DDX55: variants seen among roughly 807,000 people sequenced by gnomAD.
DDX55 encodes ATP-dependent RNA helicase DDX55.
A neutral mutation model predicts 69.2 loss-of-function variants in DDX55; 56 were observed. That is an observed-to-expected ratio of 0.81 (90% CI 0.65 to 1.01). DDX55 has a LOEUF of 1.01. Ranked by LOEUF, DDX55 falls within the 50% of genes least tolerant of loss-of-function variation. DDX55 has a pLI of 0.00. For synonymous variants in DDX55, 268 were observed against 273.1 expected, an observed-to-expected ratio of 0.98 and a Z score of 0.18; for missense variants, 720 against 745.1, an observed-to-expected ratio of 0.97 and a Z score of 0.39.
intron 6 of DDX55, among the ~76,000 whole-genome samples, chr12:123,609,375 T>C (rs12809479): frequency 7.0e-6 from 1 of 142,720 alleles, no homozygotes; most frequent in Admixed American, 7.4e-5. Flanking sequence ...TTCAAGTTTT[T>C]TTTTTTTTTT....
rs1187370896 is a variant in DDX55 at position 123,604,268 on chromosome 12, C to G, written c.109-1663C>G. Among the ~76,000 whole-genome samples the G allele has an allele frequency of 2.0e-5, 3 of 152,044 alleles. No homozygotes were observed. The South Asian group carries it at 6.2e-4, about 32-fold the overall frequency. On this transcript the variant is annotated intron_variant, in intron 1 of 13. Transcript: ENST00000238146. ...GAAATTAAAATAAATAATGGCCGGG[C>G]ACGGTGGCTCACGCCTGTAATCCTA...
At position 123,619,951 on chromosome 12, in the gene DDX55, C is replaced by G. The variant is rs372154273; in HGVS notation, c.1627-13C>G. ...GAAAAATTTAGTAGTTTATTGGTTT[C>G]TTCTGCACTTAGGGTTCTGATATTG... is the stretch of plus-strand genomic sequence containing the variant. On this transcript the variant is annotated splice_polypyrimidine_tract_variant and intron_variant, in intron 13 of 13. Coordinates refer to ENST00000238146, the MANE Select transcript of DDX55 (RefSeq NM_020936.3). 2 of 1,606,862 alleles carry G rather than the reference C, an allele frequency of 1.2e-6. No homozygotes were observed. The highest frequency in any genetic ancestry group is 1.7e-6 in the Non-Finnish European group (2 of 1,177,240).
intron 3 of DDX55, among the ~76,000 whole-genome samples, chr12:123,606,972 T>G (rs981346062): frequency 1.3e-5 from 2 of 152,214 alleles, no homozygotes; most frequent in Non-Finnish European, 2.9e-5. Flanking sequence ...AAGAAGGTTA[T>G]GACGTGCAGA....
Position 123,605,783 on chromosome 12 carries a change from A to G in DDX55, c.109-148A>G, listed in dbSNP as rs1593671165. ...AGACACAGTTGCCACGTTTGATTCA[A>G]CTTCTCTATGGTGACTTGGTTACTC... On this transcript the variant is annotated intron_variant, in intron 1 of 13. Coordinates refer to ENST00000238146, the MANE Select transcript of DDX55 (RefSeq NM_020936.3). The G allele has an allele frequency of 4.7e-6, 5 of 1,062,324 alleles. No homozygotes were observed. The East Asian group carries it at 1.2e-4, about 26-fold the overall frequency. The allele number at this position is 1,062,324 out of a possible 1,614,324, so 65.8% of individuals were successfully genotyped here.
intron 9 of DDX55, 68 bp from the exon 10 acceptor site, chr12:123,616,443 A>C (rs754459937): frequency 3.6e-6 from 5 of 1,392,312 alleles, no homozygotes; most frequent in Non-Finnish European, 5.1e-6. Flanking sequence ...CATCGAGATC[A>C]GTAGGCTGTT....
Position 123,615,166 on chromosome 12 carries a change from C to A in DDX55, c.825-19C>A, listed in dbSNP as rs114627783. 10,353 of 1,613,572 alleles carry A rather than the reference C, an allele frequency of 6.4e-3. 541 individuals carry two copies. The African/African-American group carries it at 0.12, about 19-fold the overall frequency. ...GACCAAAGTGGCCAATGACTCTAAG[C>A]CCTCTGTCCCTCTTGCAGCACCTGT... On this transcript the variant is annotated intron_variant, in intron 8 of 13. Transcript: ENST00000238146.
intron 10 of DDX55, among the ~76,000 whole-genome samples, chr12:123,617,268 A>C (rs1175636097): frequency 2.0e-5 from 3 of 152,276 alleles, no homozygotes; most frequent in Non-Finnish European, 4.4e-5. Flanking sequence ...CAGTTCTTGC[A>C]GAAACACACA....
chr12:123,608,866 G>C, intron 6 of DDX55, 37 bp downstream of exon 6: 1 of 1,584,058 alleles, frequency 6.3e-7, no homozygotes, highest in African/African-American at 1.3e-5. Context: ...TGAGTGGGCA[G>C]ATGATACTAA....
intron 3 of DDX55, among the ~76,000 whole-genome samples, chr12:123,606,815 A>G (rs1278945290): frequency 1.1e-4 from 16 of 151,918 alleles, no homozygotes; most frequent in Non-Finnish European, 5.9e-5. Flanking sequence ...GGCTCAAGTG[A>G]TCCTTCCGCC....
At chr12:123,618,927 G>A (rs1041728754) in intron 12 of DDX55, 90 bp downstream of exon 12, 20 of 1,536,336 alleles carry the variant, frequency 1.3e-5, no homozygotes, top group Non-Finnish European at 1.8e-5. Flanking sequence ...ATAAAAGGAA[G>A]TGTTCCCAGG....
chr12:123,610,574 A>G (rs1447027291), intron 7 of DDX55, among the ~76,000 whole-genome samples: 1 of 118,346 alleles, frequency 8.4e-6, no homozygotes, highest in Non-Finnish European at 1.8e-5. Flanking sequence ...AATGTTGTGT[A>G]TTTTTGACCT....
In DDX55 at chr12:123,602,223, G is replaced by A; in HGVS notation, c.75G>A (p.Arg25=). The change falls in exon 1 of 14, where the codon CGG becomes CGA. Residue 25 remains arginine (R), a synonymous_variant. Coordinates refer to ENST00000238146, the MANE Select transcript of DDX55 (RefSeq NM_020936.3). ...PLHPQVLGAL[R]ELGFPYMTPV... is the part of the protein sequence containing the mutation. ...ACCCGCAGGTGCTGGGCGCGCTGCG[G>A]GAGCTGGGCTTCCCGTACATGACGC... 1 of 1,571,070 alleles carries A rather than the reference G, an allele frequency of 6.4e-7. No homozygotes were observed. Among genetic ancestry groups the A allele is most frequent in the Non-Finnish European group, 8.6e-7 (1 of 1,160,550 alleles).
chr12:123,615,659 C>A (rs1289096558), intron 9 of DDX55, among the ~76,000 whole-genome samples: 1 of 152,170 alleles, frequency 6.6e-6, no homozygotes, highest in African/African-American at 2.4e-5. Context: ...CAGCAAGGAG[C>A]AAATCCATTT....
At position 123,607,462 on chromosome 12, in the gene DDX55, G is replaced by C; in HGVS notation, c.277G>C (p.Glu93Gln). Residue 93 changes from glutamate (E) to glutamine (Q), a missense_variant, in exon 4 of 14, where the codon GAG becomes CAG. Physicochemically the swap from Glu to Gln is conservative, Grantham distance 29. Coordinates refer to ENST00000238146, the MANE Select transcript of DDX55 (RefSeq NM_020936.3). ...VGAIIITPTR[E>Q]LAIQIDEVLS... ...AGCCATAATCATCACCCCCACTCGA[G>C]AGCTGGCCATTCAAATAGACGAGGT... 6.2e-7 allele frequency: 1 copy of C among 1,614,112 alleles called. No individual in the cohort carries two copies. Among genetic ancestry groups the C allele is most frequent in the Non-Finnish European group, 8.5e-7 (1 of 1,180,028 alleles).
In DDX55 at chr12:123,620,363, A is replaced by G. The variant is rs2135756171; in HGVS notation, c.*223A>G. On this transcript the variant is annotated 3_prime_UTR_variant, in exon 14 of 14. Coordinates refer to ENST00000238146, the MANE Select transcript of DDX55 (RefSeq NM_020936.3). ...GCCGGGTGCGGTGGCTCCTGCCTATAATCCCAGCACTTTGGGAGGCTGAGG... is the reference window on the plus strand; with the variant it reads ...GCCGGGTGCGGTGGCTCCTGCCTATGATCCCAGCACTTTGGGAGGCTGAGG... 2.7e-6 allele frequency: 1 copy of G among 368,412 alleles called. No individual in the cohort carries two copies. Among genetic ancestry groups the G allele is most frequent in the East Asian group, 4.6e-5 (1 of 21,748 alleles). The allele number at this position is 368,412 out of a possible 1,614,324, so 22.8% of individuals were successfully genotyped here.
chr12:123,613,718 C>A (rs1485410187), intron 8 of DDX55, among the ~76,000 whole-genome samples: 7 of 152,288 alleles, frequency 4.6e-5, no homozygotes, highest in East Asian at 1.9e-4. Context: ...ATCTTAGGGG[C>A]CAAAAGTGGG....
At chr12:123,614,233 C>G (rs2048802) in intron 8 of DDX55, among the ~76,000 whole-genome samples, 3 of 152,050 alleles carry the variant, frequency 2.0e-5, no homozygotes, top group Admixed American at 1.3e-4. Context: ...ATTTCAGAAC[C>G]CACCAGGTCT....
chr12:123,613,977 C>T (rs1199301481), intron 8 of DDX55, among the ~76,000 whole-genome samples: 1 of 151,712 alleles, frequency 6.6e-6, no homozygotes, highest in Non-Finnish European at 1.5e-5. Flanking sequence ...TTTAGTAGTA[C>T]ATAAAAAATA....
chr12:123,610,605 CTTTTTTTT>C (rs35576014), intron 7 of DDX55, among the ~76,000 whole-genome samples: 3,195 of 90,132 alleles, frequency 0.035, 98 homozygotes, highest in African/African-American at 0.12. Flanking sequence ...TGCTGAGTTT[CTTTTTTTT>C]TTTTTTTTTT....
Sources: allele counts gnomAD v4.1 joint callset (sites outside exome capture counted in the v4.1 genomes callset), GRCh38; gene constraint gnomAD v4.1.1; transcripts MANE v1.5; gene names NCBI Gene and HGNC (gene_info 2026-07-23, HGNC 2026-07-21).